Variants in GBE1 observed in about 807,000 individuals in gnomAD.
GBE1 encodes 1,4-alpha-glucan-branching enzyme.
A neutral mutation model predicts 88.8 loss-of-function variants in GBE1; 70 were observed. The ratio of observed to expected loss-of-function variants is 0.79; its 90% CI spans 0.65 to 0.96. The LOEUF is 0.96. GBE1 is among the 40% of genes least tolerant of loss of function. GBE1 has a pLI of 0.00. For missense variants in GBE1, 872 were observed against 871.0 expected, an observed-to-expected ratio of 1.00 and a Z score of -0.01; for synonymous variants, 284 against 300.1, an observed-to-expected ratio of 0.95 and a Z score of 0.56.
chr3:81,727,999 T>C (rs1486915281), intron 1 of GBE1, among the ~76,000 whole-genome samples: 1 of 152,098 alleles, frequency 6.6e-6, no homozygotes, highest in Non-Finnish European at 1.5e-5. Flanking sequence ...TATAGAATTA[T>C]CAATTAACCC....
intron 7 of GBE1, among the ~76,000 whole-genome samples, chr3:81,623,184 T>C (rs963624612): frequency 6.6e-6 from 1 of 152,132 alleles, no homozygotes; most frequent in Non-Finnish European, 1.5e-5. Flanking sequence ...ACTGCCAAAC[T>C]CTCTGGAGTC....
intron 12 of GBE1, among the ~76,000 whole-genome samples, chr3:81,564,689 C>T (rs1703467914): frequency 6.6e-6 from 1 of 152,076 alleles, no homozygotes; most frequent in Non-Finnish European, 1.5e-5. Flanking sequence ...TGAAATTGTT[C>T]TTATGAAAGC....
chr3:81,586,182 T>C lies in GBE1; in HGVS notation c.1245A>G (p.Ser415=). The C allele has an allele frequency of 8.1e-6, 13 of 1,600,928 alleles. No homozygotes were observed. The highest frequency in any genetic ancestry group is 1.0e-5 in the Non-Finnish European group (12 of 1,173,194). ...TTGGAGAGCACAGAGCTGGCATTCC[T>C]GATACATCCTACAACAAAGAACGTC... ...PDSITIAEDV[S]GMPALCSPIS... is the part of the protein sequence containing the mutation. Residue 415 remains serine (S), a synonymous_variant, in exon 10 of 16, where the codon TCA becomes TCG. Coordinates refer to ENST00000429644, the MANE Select transcript of GBE1 (RefSeq NM_000158.4).
At chr3:81,713,020 A>G (rs917157946) in intron 1 of GBE1, among the ~76,000 whole-genome samples, 47 of 152,244 alleles carry the variant, frequency 3.1e-4, no homozygotes, top group Admixed American at 2.6e-3. Context: ...AATACCCAAC[A>G]TACTTATTGC....
At chr3:81,593,370 C>CAACAATAATAATAAT (rs1553684473) in intron 8 of GBE1, among the ~76,000 whole-genome samples, 21 of 144,088 alleles carry the variant, frequency 1.5e-4, no homozygotes, top group Middle Eastern at 3.6e-3. Context: ...GTCTCAAGAA[C>CAACAATAATAATAAT]AATAATAATA....
At chr3:81,672,689 T>G (rs2107117390) in intron 2 of GBE1, among the ~76,000 whole-genome samples, 1 of 152,068 alleles carries the variant, frequency 6.6e-6, no homozygotes. Flanking sequence ...TATTATTTTT[T>G]GTTAAAGTGA....
intron 10 of GBE1, among the ~76,000 whole-genome samples, chr3:81,583,569 T>C (rs1397878205): frequency 6.6e-6 from 1 of 152,090 alleles, no homozygotes; most frequent in Non-Finnish European, 1.5e-5. Context: ...GCAACAAGAA[T>C]GCTGGATATA....
chr3:81,548,136 A>C (rs190814740), intron 12 of GBE1, among the ~76,000 whole-genome samples: 1 of 151,444 alleles, frequency 6.6e-6, no homozygotes, highest in Non-Finnish European at 1.5e-5. Context: ...CCCCTCTAGG[A>C]ACCATCTTTG....
At chr3:81,579,507 C>T (rs193276941) in intron 11 of GBE1, among the ~76,000 whole-genome samples, 5 of 151,974 alleles carry the variant, frequency 3.3e-5, no homozygotes, top group Admixed American at 2.6e-4. Context: ...TTGTTCATGC[C>T]ACTTATTTGT....
intron 1 of GBE1, among the ~76,000 whole-genome samples, chr3:81,734,018 T>C (rs1024466214): frequency 6.6e-6 from 1 of 152,176 alleles, no homozygotes; most frequent in East Asian, 1.9e-4. Flanking sequence ...CAAACAAGAT[T>C]TTATTTGATT....
chr3:81,531,737 T>C (rs1221793442), intron 14 of GBE1, among the ~76,000 whole-genome samples: 2 of 152,062 alleles, frequency 1.3e-5, no homozygotes, highest in Non-Finnish European at 2.9e-5. Context: ...TCCCTCTCCT[T>C]TCTTGTGTAC....
intron 7 of GBE1, among the ~76,000 whole-genome samples, chr3:81,603,356 T>G (rs950432446): frequency 6.6e-6 from 1 of 152,076 alleles, no homozygotes; most frequent in Non-Finnish European, 1.5e-5. Flanking sequence ...TAACACTGAA[T>G]TAGAAGTCAA....
At chr3:81,615,617 C>T (rs1006187493) in intron 7 of GBE1, among the ~76,000 whole-genome samples, 13 of 152,138 alleles carry the variant, frequency 8.5e-5, no homozygotes, top group African/African-American at 3.1e-4. Context: ...TAACAGATTA[C>T]TCATTTTTAT....
chr3:81,611,318 A>G (rs949806918), intron 7 of GBE1, among the ~76,000 whole-genome samples: 3 of 152,224 alleles, frequency 2.0e-5, no homozygotes, highest in African/African-American at 7.2e-5. Context: ...TCAGTTCAGT[A>G]TTCTACATTT....
At chr3:81,594,737 A>G (rs1703933229) in intron 7 of GBE1, among the ~76,000 whole-genome samples, 9 of 152,066 alleles carry the variant, frequency 5.9e-5, no homozygotes. Flanking sequence ...AAGAGAGGGA[A>G]AACAAAGAAA....
intron 1 of GBE1, among the ~76,000 whole-genome samples, chr3:81,746,815 T>A (rs1296822184): frequency 6.6e-6 from 1 of 152,178 alleles, no homozygotes; most frequent in Non-Finnish European, 1.5e-5. Flanking sequence ...TTGCCTGGCT[T>A]CCTAAAGTTT....
At position 81,685,129 on chromosome 3, in the gene GBE1, T is replaced by G. The variant is rs150363962; in HGVS notation, c.314-14176A>C. Among the ~76,000 whole-genome samples the G allele has an allele frequency of 2.4e-3, 364 of 152,264 alleles. 5 individuals carry two copies. The highest frequency in any genetic ancestry group is 8.4e-3 in the African/African-American group (349 of 41,552). On this transcript the variant is annotated intron_variant, in intron 2 of 15. Transcript: ENST00000429644. ...AAATCATGCATTGTACCAAGTAGCT[T>G]CCAGTATCTCCACAGAGAGGTAAAC...
chr3:81,596,444 G>A (rs746540221), intron 7 of GBE1, among the ~76,000 whole-genome samples: 1 of 151,696 alleles, frequency 6.6e-6, no homozygotes, highest in East Asian at 1.9e-4. Flanking sequence ...CCGCTAAGTC[G>A]ATTTTCTAAA....
At chr3:81,748,568 G>A (rs1013121371) in intron 1 of GBE1, among the ~76,000 whole-genome samples, 5 of 151,942 alleles carry the variant, frequency 3.3e-5, no homozygotes, top group African/African-American at 9.7e-5. Flanking sequence ...CCGAGACCGC[G>A]CCACTGCACT....
Sources: gnomAD v4.1 joint callset for allele counts (sites outside exome capture counted in the v4.1 genomes callset) on GRCh38, gnomAD v4.1.1 for gene constraint, MANE v1.5 for transcripts, NCBI Gene and HGNC (gene_info 2026-07-23, HGNC 2026-07-21) for gene names.